The following NRXN3 variants were observed in gnomAD, a reference collection of about 807,000 sequenced individuals.
The protein encoded by NRXN3 is neurexin 3.
In NRXN3, 32 loss-of-function variants were observed where a neutral mutation model predicts 137.6. The observed-to-expected ratio is 0.23, with a 90% CI of 0.18 to 0.31. The LOEUF (loss-of-function observed/expected upper bound fraction) is 0.31, where lower values mean the gene tolerates loss of function less well. NRXN3 is among the 10% of genes least tolerant of loss of function. The pLI, the probability that NRXN3 is intolerant of heterozygous loss-of-function variation, is 1.00. For synonymous variants in NRXN3, 798 were observed against 784.5 expected, an observed-to-expected ratio of 1.02 and a Z score of -0.29; for missense variants, 1,574 against 2,062.5, an observed-to-expected ratio of 0.76 and a Z score of 4.59.
At chr14:78,688,374 C>T (rs2098141165) in intron 6 of NRXN3, among the ~76,000 whole-genome samples, 2 of 152,040 alleles carry the variant, frequency 1.3e-5, no homozygotes, top group South Asian at 4.2e-4. Flanking sequence ...CTTAAAAGGC[C>T]TCAAGAAGTA....
intron 15 of NRXN3, among the ~76,000 whole-genome samples, chr14:79,246,248 C>G (rs1243838087): frequency 2.0e-5 from 3 of 152,204 alleles, no homozygotes; most frequent in African/African-American, 4.8e-5. Flanking sequence ...GCCATTTGGC[C>G]TAGCCAGGGA....
chr14:79,860,868 G>A (rs2099412692), intron 20 of NRXN3, among the ~76,000 whole-genome samples: 3 of 152,086 alleles, frequency 2.0e-5, no homozygotes, highest in Admixed American at 2.0e-4. Flanking sequence ...AGGTTTGGGT[G>A]GCAAGAGGCA....
chr14:78,861,413 T>A (rs1462537054), intron 10 of NRXN3, among the ~76,000 whole-genome samples: 1 of 152,158 alleles, frequency 6.6e-6, no homozygotes, highest in East Asian at 1.9e-4. Context: ...AAGATGCTTT[T>A]TCTTTTTTCT....
chr14:78,243,588 A>G lies in NRXN3; in HGVS notation c.495A>G (p.Gly165=). 6.3e-7 allele frequency: 1 copy of G among 1,598,364 alleles called. No individual in the cohort carries two copies. Among genetic ancestry groups the G allele is most frequent in the Non-Finnish European group, 8.5e-7 (1 of 1,179,802 alleles). ...GACCTTCTGCCCTGACCCTTGATGGAGTTCAGGCCATGCCCGGCTTCAAGG... is the reference window on the plus strand; with the variant it reads ...GACCTTCTGCCCTGACCCTTGATGGGGTTCAGGCCATGCCCGGCTTCAAGG... ...DIRPSALTLD[G]VQAMPGFKGL... The change falls in exon 2 of 21, where the codon GGA becomes GGG. Residue 165 remains glycine, a synonymous_variant. Coordinates refer to ENST00000335750, the MANE Select transcript of NRXN3 (RefSeq NM_001330195.2). The surrounding 1 kb of genome is among the most constrained non-coding windows in gnomAD (Gnocchi z 4.2).
intron 16 of NRXN3, among the ~76,000 whole-genome samples, chr14:79,547,745 G>A (rs1209489139): frequency 6.6e-6 from 1 of 152,138 alleles, no homozygotes; most frequent in Admixed American, 6.6e-5. Context: ...TCATTGGGAG[G>A]CTTATAAATT....
intron 6 of NRXN3, among the ~76,000 whole-genome samples, chr14:78,703,182 AT>A (rs1319651873): frequency 6.6e-6 from 1 of 152,262 alleles, no homozygotes; most frequent in Non-Finnish European, 1.5e-5. Flanking sequence ...TTTCTTGCTC[AT>A]AAGGTGTTCG....
chr14:79,452,838 C>T (rs559358108), intron 15 of NRXN3, among the ~76,000 whole-genome samples: 3 of 152,182 alleles, frequency 2.0e-5, no homozygotes, highest in East Asian at 3.9e-4. Flanking sequence ...TAAGCTAAGG[C>T]TTTGAAGGTG....
intron 4 of NRXN3, among the ~76,000 whole-genome samples, chr14:78,608,630 T>C (rs1456724156): frequency 2.0e-5 from 3 of 152,188 alleles, no homozygotes; most frequent in African/African-American, 7.2e-5. Flanking sequence ...TATATACAGA[T>C]TTAGAAATTA....
chr14:78,384,834 A>G (rs967598751), intron 4 of NRXN3, among the ~76,000 whole-genome samples: 4 of 152,184 alleles, frequency 2.6e-5, no homozygotes, highest in Admixed American at 2.0e-4. Context: ...CCATAACTCT[A>G]AGATTTAGAA....
rs556742411 is a variant in NRXN3 at position 79,530,985 on chromosome 14, A to G, written c.3444+63583A>G. On this transcript the variant is annotated intron_variant, in intron 16 of 20. Coordinates refer to ENST00000335750, the MANE Select transcript of NRXN3 (RefSeq NM_001330195.2). ...AGAAATGTCTTCATTAATGTTTTTG[A>G]TCTCAGAGCCCCATTTCCTTTTATC... is the stretch of plus-strand genomic sequence containing the variant. 2.0e-5 allele frequency among the ~76,000 whole-genome samples: 3 copies of G among 152,226 alleles called. No homozygotes were observed. In the South Asian group the frequency reaches 6.2e-4, roughly 32 times the overall value.
chr14:78,237,337 G>A (rs1362104567), intron 1 of NRXN3, among the ~76,000 whole-genome samples: 1 of 152,244 alleles, frequency 6.6e-6, no homozygotes, highest in Non-Finnish European at 1.5e-5. Context: ...TTCATGAAAT[G>A]GAAGTCACAG....
At chr14:79,832,692 ATG>A (rs2141277481) in intron 20 of NRXN3, among the ~76,000 whole-genome samples, 1 of 152,208 alleles carries the variant, frequency 6.6e-6, no homozygotes, top group Admixed American at 6.5e-5. Flanking sequence ...TCACTTTAAA[ATG>A]TAAATAATGT....
chr14:78,956,361 G>A (rs1299008084), intron 10 of NRXN3, among the ~76,000 whole-genome samples: 2 of 152,116 alleles, frequency 1.3e-5, no homozygotes, highest in Non-Finnish European at 2.9e-5. Context: ...TCATTTTAAT[G>A]CCTCTTTGTC....
At chr14:79,255,961 A>T (rs2076514300) in intron 15 of NRXN3, among the ~76,000 whole-genome samples, 1 of 152,204 alleles carries the variant, frequency 6.6e-6, no homozygotes, top group African/African-American at 2.4e-5. Flanking sequence ...GGGAACCCAT[A>T]ACTAAACAGT....
At chr14:78,225,112 C>A (rs1393891190) in intron 1 of NRXN3, among the ~76,000 whole-genome samples, 3 of 152,108 alleles carry the variant, frequency 2.0e-5, no homozygotes, top group African/African-American at 7.2e-5. Context: ...TGGGTATATA[C>A]CCAGTAATGG....
chr14:78,627,104 T>TC (rs2097468839), intron 4 of NRXN3, among the ~76,000 whole-genome samples: 1 of 120,984 alleles, frequency 8.3e-6, no homozygotes, highest in Admixed American at 8.8e-5. Flanking sequence ...CCTCCCTCCC[T>TC]TCTCTCTCTC....
chr14:79,476,383 G>C (rs885648), intron 16 of NRXN3, among the ~76,000 whole-genome samples: 7,256 of 152,066 alleles, frequency 0.048, 597 homozygotes, highest in African/African-American at 0.17. Flanking sequence ...GACACCTCTG[G>C]AGCCTAGAAT....
intron 4 of NRXN3, among the ~76,000 whole-genome samples, chr14:78,416,180 T>A (rs2153670091): frequency 6.6e-6 from 1 of 152,292 alleles, no homozygotes; most frequent in South Asian, 2.1e-4. Flanking sequence ...CTCTCTTGGA[T>A]ACATTCATCC....
At chr14:79,435,150 G>C (rs2153559433) in intron 15 of NRXN3, among the ~76,000 whole-genome samples, 1 of 152,296 alleles carries the variant, frequency 6.6e-6, no homozygotes, top group South Asian at 2.1e-4. Context: ...GCAGTCCACT[G>C]AAGTGATAAT....
Sources: gnomAD v4.1 joint callset for allele counts (sites outside exome capture counted in the v4.1 genomes callset) on GRCh38, gnomAD v4.1.1 for gene constraint, Gnocchi (gnomAD v3.1) non-coding constraint, MANE v1.5 for transcripts, NCBI Gene and HGNC (gene_info 2026-07-23, HGNC 2026-07-21) for gene names.